Variants in ARHGAP40 observed in about 807,000 individuals in gnomAD.
ARHGAP40 encodes the protein Rho GTPase activating protein 40.
A neutral mutation model predicts 73.5 loss-of-function variants in ARHGAP40; 43 were observed. The observed-to-expected ratio is 0.58, with a 90% CI of 0.46 to 0.75. The LOEUF is 0.75. ARHGAP40 is among the 30% of genes least tolerant of loss of function. ARHGAP40 has a pLI of 0.00. For synonymous variants in ARHGAP40, 300 were observed against 352.8 expected (o/e 0.85, Z 1.68); for missense variants, 734 against 861.8 (o/e 0.85, Z 1.86).
At chr20:38,617,343 G>A (rs1254624744) in intron 1 of ARHGAP40, among the ~76,000 whole-genome samples, 1 of 152,184 alleles carries the variant, frequency 6.6e-6, no homozygotes, top group African/African-American at 2.4e-5. Context: ...CTGCCCTTGG[G>A]AAAGGCCTTT....
intron 1 of ARHGAP40, among the ~76,000 whole-genome samples, chr20:38,617,349 C>A (rs1323281599): frequency 1.3e-5 from 2 of 152,176 alleles, no homozygotes; most frequent in Admixed American, 6.5e-5. Flanking sequence ...TTGGGAAAGG[C>A]CTTTGCTCCA....
chr20:38,619,554 A>G (rs1188380895), intron 1 of ARHGAP40, among the ~76,000 whole-genome samples: 1 of 150,754 alleles, frequency 6.6e-6, no homozygotes, highest in Non-Finnish European at 1.5e-5. Flanking sequence ...AGAGGGGCAC[A>G]GTGTCTACAG....
rs2089057605 is a variant in ARHGAP40 at position 38,646,947 on chromosome 20, C to T, written c.1711-10C>T. 2 of 1,303,718 alleles carry T rather than the reference C, an allele frequency of 1.5e-6. No homozygotes were observed. Among genetic ancestry groups the T allele is most frequent in the Non-Finnish European group, 2.0e-6 (2 of 988,176 alleles). The allele number at this position is 1,303,718 out of a possible 1,614,324, so 80.8% of individuals were successfully genotyped here. On this transcript the variant is annotated splice_polypyrimidine_tract_variant and intron_variant, in intron 12 of 14. Transcript: ENST00000373345. The surrounding 1 kb of genome is among the most constrained non-coding windows in gnomAD (Gnocchi z 4.5). ...TATGTATATGGATCTTTCTCTCTCT[C>T]TCTCTGCAGACTCCCAAGGTGGCAA...
chr20:38,642,205 G>A (rs1348395761), intron 10 of ARHGAP40, among the ~76,000 whole-genome samples: 2 of 152,252 alleles, frequency 1.3e-5, no homozygotes, highest in Non-Finnish European at 2.9e-5. Context: ...TCCAAACTCA[G>A]TTGATCACAG....
At chr20:38,627,674 G>A (rs2088911009) in intron 3 of ARHGAP40, among the ~76,000 whole-genome samples, 1 of 145,032 alleles carries the variant, frequency 6.9e-6, no homozygotes, top group Admixed American at 6.9e-5. Flanking sequence ...GGGTGTGTTG[G>A]TGTGTGTGTT....
intron 1 of ARHGAP40, among the ~76,000 whole-genome samples, chr20:38,611,246 A>C (rs1415827446): frequency 2.0e-5 from 3 of 152,004 alleles, no homozygotes; most frequent in Non-Finnish European, 2.9e-5. Flanking sequence ...TACAAAAGGG[A>C]GGAGCGTATA....
rs1183987847 is a variant in ARHGAP40 at position 38,647,161 on chromosome 20, C to G, written c.1880+35C>G. 8 of 1,292,274 alleles carry G rather than the reference C, an allele frequency of 6.2e-6. No homozygotes were observed. In the South Asian group the frequency reaches 8.9e-5, roughly 14 times the overall value. The allele number at this position is 1,292,274 out of a possible 1,614,324, so 80.1% of individuals were successfully genotyped here. On this transcript the variant is annotated intron_variant, in intron 13 of 14. Transcript: ENST00000373345. The stretch of plus-strand genomic sequence containing the variant: ...ACCTCCTGGAGGCAGGAGCCTCTTC[C>G]CTGCAGGGAGGGCTCTGCACCCCAG...
chr20:38,619,467 G>C (rs989493526), intron 1 of ARHGAP40, among the ~76,000 whole-genome samples: 2 of 151,830 alleles, frequency 1.3e-5, no homozygotes, highest in African/African-American at 2.4e-5. Context: ...TTCATGGGAT[G>C]TGGAGACACC....
At chr20:38,617,850 C>G (rs576080374) in intron 1 of ARHGAP40, among the ~76,000 whole-genome samples, 1 of 152,192 alleles carries the variant, frequency 6.6e-6, no homozygotes, top group Non-Finnish European at 1.5e-5. Context: ...CTGAGGACTT[C>G]CTATTCTAAG....
At chr20:38,642,615 T>G (rs2089026155) in intron 10 of ARHGAP40, among the ~76,000 whole-genome samples, 1 of 144,124 alleles carries the variant, frequency 6.9e-6, no homozygotes, top group Non-Finnish European at 1.5e-5. Context: ...TCTTCCTCCC[T>G]CCCTCCCTCC....
intron 13 of ARHGAP40, among the ~76,000 whole-genome samples, chr20:38,648,038 A>G (rs577548629): frequency 1.3e-5 from 2 of 152,322 alleles, no homozygotes; most frequent in Admixed American, 1.3e-4. Context: ...TGAGACCTCA[A>G]GAGCTTCCTT....
intron 5 of ARHGAP40, among the ~76,000 whole-genome samples, chr20:38,630,982 A>G (rs1052910978): frequency 1.3e-5 from 2 of 152,228 alleles, no homozygotes; most frequent in Admixed American, 1.3e-4. Context: ...CAAGGCTTCC[A>G]GTGCCCTCAT....
chr20:38,612,330 T>G (rs529991697), intron 1 of ARHGAP40, among the ~76,000 whole-genome samples: 9 of 152,202 alleles, frequency 5.9e-5, no homozygotes, highest in Admixed American at 4.6e-4. Flanking sequence ...ATTTAGGCCT[T>G]TTCCAGTAAC....
chr20:38,638,665 T>TC, intron 7 of ARHGAP40, 96 bp from the exon 8 acceptor site: 1 of 885,584 alleles, frequency 1.1e-6, no homozygotes, highest in South Asian at 1.4e-5. Flanking sequence ...CTCCTGGTAC[T>TC]CCCCTCTTTC....
At chr20:38,629,386 C>T (rs1338802309) in intron 4 of ARHGAP40, 116 bp from the exon 5 acceptor site, 1 of 1,081,692 alleles carries the variant, frequency 9.2e-7, no homozygotes, top group Non-Finnish European at 1.2e-6. Context: ...GGGCTTTGAA[C>T]TTGAGCTTGG....
chr20:38,620,185 C>G (rs2088866827), intron 1 of ARHGAP40, among the ~76,000 whole-genome samples: 2 of 152,238 alleles, frequency 1.3e-5, no homozygotes, highest in Non-Finnish European at 2.9e-5. Context: ...CACCTGAGTA[C>G]TTTTCTGCAT....
chr20:38,643,774 C>T (rs1315630254), exon 11 of ARHGAP40: 1 of 1,305,886 alleles, frequency 7.7e-7, no homozygotes, highest in African/African-American at 1.5e-5. Flanking sequence ...AGGAATGTTT[C>T]CACCGTGATG....
chr20:38,614,880 T>TC, intron 1 of ARHGAP40: 1 of 1,236,552 alleles, frequency 8.1e-7, no homozygotes, highest in Non-Finnish European at 1.2e-6. Flanking sequence ...GAGCGTCACA[T>TC]CCCCCAGCAA....
chr20:38,629,513 G>T (rs1019232446), exon 5 of ARHGAP40: 1 of 1,305,362 alleles, frequency 7.7e-7, no homozygotes, highest in Non-Finnish European at 1.0e-6. Flanking sequence ...AGCAGAGCCT[G>T]GGGGGCTGCA....
Sources: allele counts gnomAD v4.1 joint callset (sites outside exome capture counted in the v4.1 genomes callset), GRCh38; gene constraint gnomAD v4.1.1; non-coding constraint Gnocchi (gnomAD v3.1); transcripts MANE v1.5; gene names NCBI Gene and HGNC (gene_info 2026-07-23, HGNC 2026-07-21).